The following NAA35 variants were observed in gnomAD, a reference collection of about 807,000 sequenced individuals.
The protein encoded by NAA35 is N-alpha-acetyltransferase 35, NatC auxiliary subunit.
In NAA35, 18 loss-of-function variants were observed where a neutral mutation model predicts 101.7. The observed-to-expected ratio is 0.18, with a 90% confidence interval of 0.12 to 0.26. The LOEUF (loss-of-function observed/expected upper bound fraction) is 0.26. Among genes scored for constraint, NAA35 ranks in the 10% least tolerant of loss-of-function variants. The probability of loss-of-function intolerance (pLI) is 1.00; values close to 1 mark genes in which losing one functional copy is unlikely to be tolerated. For synonymous variants in NAA35, 267 were observed against 273.1 expected (o/e 0.98, Z 0.22); for missense variants, 601 against 886.8 (o/e 0.68, Z 4.09).
Position 86,013,051 on chromosome 9 carries a change from C to G in NAA35, c.1296C>G (p.Phe432Leu), listed in dbSNP as rs1418041090. 1 of 1,554,708 alleles carries G rather than the reference C, an allele frequency of 6.4e-7. No individual in the cohort carries two copies. Among genetic ancestry groups the G allele is most frequent in the Non-Finnish European group, 8.8e-7 (1 of 1,140,956 alleles). ...AAATTATATGTGTATTGCAGCCATT[C>G]TGTAGTCTTATTCAGATCCATGGAC... is the stretch of plus-strand genomic sequence containing the variant. ...DSFVTHCVRP[F>L]CSLIQIHGHN... is the part of the protein sequence containing the mutation. The change falls in exon 16 of 23, where the codon TTC (phenylalanine) becomes TTG (leucine). Residue 432 changes from phenylalanine to leucine, a missense_variant. By Grantham distance (22) the Phe-to-Leu change is conservative. Coordinates refer to ENST00000361671, the MANE Select transcript of NAA35 (RefSeq NM_024635.4).
In NAA35 at chr9:85,976,742, G is replaced by A; in HGVS notation, c.678+7G>A. The stretch of plus-strand genomic sequence containing the variant: ...TCCAGAAGTTGAACTAGAAGTAATT[G>A]AACTTATTTTCTGGTAGATAATATC... On this transcript the variant is annotated splice_region_variant and intron_variant, in intron 9 of 22. Coordinates refer to ENST00000361671, the MANE Select transcript of NAA35 (RefSeq NM_024635.4). 6 of 1,584,672 alleles carry A rather than the reference G, an allele frequency of 3.8e-6. No individual in the cohort carries two copies. Among genetic ancestry groups the A allele is most frequent in the Non-Finnish European group, 4.3e-6 (5 of 1,164,940 alleles).
intron 12 of NAA35, among the ~76,000 whole-genome samples, chr9:85,998,001 A>G (rs1201304751): frequency 2.6e-5 from 4 of 151,462 alleles, no homozygotes; most frequent in Non-Finnish European, 4.4e-5. Context: ...TGCAAGCTCC[A>G]CCTCCCAGGT....
intron 11 of NAA35, among the ~76,000 whole-genome samples, chr9:85,994,284 G>T (rs576448762): frequency 1.3e-5 from 2 of 152,174 alleles, no homozygotes; most frequent in South Asian, 2.1e-4. Flanking sequence ...TTCTAAACTG[G>T]AACTCTACCC....
At chr9:85,963,024 CAA>C (rs1382127146) in intron 6 of NAA35, among the ~76,000 whole-genome samples, 1 of 151,026 alleles carries the variant, frequency 6.6e-6, no homozygotes, top group Non-Finnish European at 1.5e-5. Context: ...CCTAGGACTA[CAA>C]AAAAAAGAAT....
At chr9:85,981,841 GA>G (rs1830452063) in intron 11 of NAA35, among the ~76,000 whole-genome samples, 2 of 152,134 alleles carry the variant, frequency 1.3e-5, no homozygotes, top group Non-Finnish European at 2.9e-5. Flanking sequence ...GTAGAAGAAT[GA>G]TGAGAAAATA....
intron 19 of NAA35, 72 bp from the exon 20 acceptor site, chr9:86,018,183 C>A: frequency 1.5e-6 from 2 of 1,352,236 alleles, no homozygotes; most frequent in Non-Finnish European, 2.0e-6. Context: ...TCTTGTCTTC[C>A]ATTCTGTATT....
chr9:86,013,224 A>G, intron 16 of NAA35, 80 bp downstream of exon 16: 10 of 841,326 alleles, frequency 1.2e-5, no homozygotes, highest in South Asian at 8.6e-5. Flanking sequence ...ATAATTCAGA[A>G]CAATATTTTG....
chr9:85,974,913 C>G, intron 6 of NAA35, 54 bp from the exon 7 acceptor site: 1 of 1,247,310 alleles, frequency 8.0e-7, no homozygotes, highest in African/African-American at 1.5e-5. Context: ...TATATTTTGC[C>G]GCTATTTAAG....
At chr9:85,988,973 A>T (rs1282991136) in intron 11 of NAA35, among the ~76,000 whole-genome samples, 1 of 152,214 alleles carries the variant, frequency 6.6e-6, no homozygotes, top group Admixed American at 6.5e-5. Context: ...AATGTTAGAC[A>T]TTTCTAGAAG....
intron 11 of NAA35, among the ~76,000 whole-genome samples, chr9:85,982,438 C>A (rs1830474908): frequency 6.6e-6 from 1 of 152,122 alleles, no homozygotes; most frequent in Non-Finnish European, 1.5e-5. Flanking sequence ...TTTAGCTCAT[C>A]CTTTAAAATG....
chr9:85,949,824 AC>A (rs1199013646), intron 2 of NAA35, among the ~76,000 whole-genome samples: 1 of 151,990 alleles, frequency 6.6e-6, no homozygotes. Context: ...AAAAAAAAAA[AC>A]AGTATCATGT....
At chr9:85,956,441 T>G (rs768556162) in intron 3 of NAA35, 48 bp downstream of exon 3, 3 of 1,154,100 alleles carry the variant, frequency 2.6e-6, no homozygotes, top group South Asian at 1.9e-5. Flanking sequence ...TTTCAGTCTG[T>G]TTTTTTTTCC....
intron 6 of NAA35, among the ~76,000 whole-genome samples, chr9:85,970,990 CCTG>C (rs1171045945): frequency 6.6e-6 from 1 of 152,168 alleles, no homozygotes; most frequent in Non-Finnish European, 1.5e-5. Context: ...TGAAAGCATT[CCTG>C]TTATAATCTA....
intron 11 of NAA35, among the ~76,000 whole-genome samples, chr9:85,990,497 T>C (rs1016377423): frequency 1.3e-5 from 2 of 152,246 alleles, no homozygotes; most frequent in African/African-American, 4.8e-5. Flanking sequence ...AATAGAACTT[T>C]AGAGATATTA....
At chr9:85,963,263 CTTTTTTT>C (rs527736196) in intron 6 of NAA35, among the ~76,000 whole-genome samples, 1,649 of 72,424 alleles carry the variant, frequency 0.023, 44 homozygotes, top group African/African-American at 0.089. Context: ...GAAGGTATGG[CTTTTTTT>C]TTTTTTTTTT....
chr9:85,941,571 G>T (rs762789746), intron 1 of NAA35: 2 of 985,784 alleles, frequency 2.0e-6, no homozygotes, highest in African/African-American at 3.5e-5. Flanking sequence ...GGGCTGACCC[G>T]GGCAGGGCGG....
rs147508046 is a variant in NAA35 at position 85,990,321 on chromosome 9, C to T, written c.878-6078C>T. Among the ~76,000 whole-genome samples, 4 of 152,262 alleles carry T rather than the reference C, an allele frequency of 2.6e-5. No individual in the cohort carries two copies. In the South Asian group the frequency reaches 8.3e-4, roughly 32 times the overall value. On this transcript the variant is annotated intron_variant, in intron 11 of 22. Transcript: ENST00000361671. ...TTTACTCAGACACCTCCTGTTAGGCCCCATCTCTCAACACTGTTGTACTGG... is the reference window on the plus strand; with the variant it reads ...TTTACTCAGACACCTCCTGTTAGGCTCCATCTCTCAACACTGTTGTACTGG...
intron 2 of NAA35, among the ~76,000 whole-genome samples, chr9:85,953,286 A>C (rs1163370188): frequency 6.8e-6 from 1 of 147,112 alleles, no homozygotes; most frequent in Non-Finnish European, 1.5e-5. Flanking sequence ...TATTTAATAC[A>C]TTTGTAATGT....
At chr9:85,974,533 A>C (rs1830132078) in intron 6 of NAA35, among the ~76,000 whole-genome samples, 1 of 152,150 alleles carries the variant, frequency 6.6e-6, no homozygotes, top group African/African-American at 2.4e-5. Context: ...TGTTTGAGAA[A>C]TCTTAACTGT....
Sources: gnomAD v4.1 joint callset for allele counts (sites outside exome capture counted in the v4.1 genomes callset) on GRCh38, gnomAD v4.1.1 for gene constraint, MANE v1.5 for transcripts, NCBI Gene and HGNC (gene_info 2026-07-23, HGNC 2026-07-21) for gene names.